The following TRPC3 variants were observed in gnomAD, a reference collection of about 807,000 sequenced individuals.
The protein encoded by TRPC3 is short transient receptor potential channel 3.
In TRPC3, 54 loss-of-function variants were observed where a neutral mutation model predicts 90.9. The observed-to-expected ratio is 0.59, with a 90% CI of 0.48 to 0.75. The LOEUF (loss-of-function observed/expected upper bound fraction) is 0.75. Among genes scored for constraint, TRPC3 ranks in the 30% least tolerant of loss-of-function variants. The probability of loss-of-function intolerance (pLI) is 0.00; values close to 1 mark genes in which losing one functional copy is unlikely to be tolerated. For synonymous variants in TRPC3, 424 were observed against 450.9 expected (o/e 0.94, Z 0.75); for missense variants, 918 against 1,194.5 (o/e 0.77, Z 3.41).
Position 121,927,152 on chromosome 4 carries a change from T to C in TRPC3, c.988-1946A>G, listed in dbSNP as rs139587653. Among the ~76,000 whole-genome samples the C allele has an allele frequency of 6.2e-3, 945 of 152,304 alleles. 8 individuals carry two copies. Among genetic ancestry groups the C allele is most frequent in the African/African-American group, 0.022 (902 of 41,568 alleles). ...CTCAAGGGTTACAGAATTCAGTACC[T>C]GAGAGAAAAATTTCCAGGCCACTGG... On this transcript the variant is annotated intron_variant, in intron 2 of 11. Coordinates refer to ENST00000379645, the MANE Select transcript of TRPC3 (RefSeq NM_001130698.2).
At chr4:121,902,409 T>G (rs1422180985) in intron 9 of TRPC3, among the ~76,000 whole-genome samples, 1 of 152,134 alleles carries the variant, frequency 6.6e-6, no homozygotes, top group Admixed American at 6.5e-5. Context: ...TTTATGACAC[T>G]AATGGAAAAA....
At chr4:121,896,628 T>C (rs112843519) in intron 10 of TRPC3, among the ~76,000 whole-genome samples, 45 of 152,100 alleles carry the variant, frequency 3.0e-4, no homozygotes, top group African/African-American at 9.9e-4. Flanking sequence ...AAAACACTGA[T>C]GAAAGAAACT....
intron 9 of TRPC3, among the ~76,000 whole-genome samples, chr4:121,900,541 C>T (rs920663614): frequency 1.7e-4 from 26 of 152,166 alleles, no homozygotes; most frequent in Non-Finnish European, 3.4e-4. Flanking sequence ...TGGAGAAAAC[C>T]TTAGCTAACA....
At chr4:121,886,809 G>A (rs1408183164) in intron 10 of TRPC3, among the ~76,000 whole-genome samples, 1 of 152,016 alleles carries the variant, frequency 6.6e-6, no homozygotes, top group Non-Finnish European at 1.5e-5. Context: ...GAAAAAATCT[G>A]AGGCAAACTA....
chr4:121,945,559 C>T lies in TRPC3; in HGVS notation c.215+5907G>A, dbSNP rs1045566953. Among the ~76,000 whole-genome samples, 9 of 152,096 alleles carry T rather than the reference C, an allele frequency of 5.9e-5. No individual in the cohort carries two copies. In the East Asian group the frequency reaches 7.7e-4, roughly 13 times the overall value. On this transcript the variant is annotated intron_variant, in intron 1 of 11. Coordinates refer to ENST00000379645, the MANE Select transcript of TRPC3 (RefSeq NM_001130698.2). ...ATCCACCCAGCTCAATGCTAGAGAA[C>T]GCCCAGAAATTGAAAGCAAAAAAAA...
chr4:121,921,067 A>G (rs894893065), intron 3 of TRPC3, among the ~76,000 whole-genome samples: 1 of 152,106 alleles, frequency 6.6e-6, no homozygotes, highest in Non-Finnish European at 1.5e-5. Context: ...GGTGTTTTAT[A>G]TATTCATTTT....
Position 121,951,565 on chromosome 4 carries a change from C to T in TRPC3, c.116G>A (p.Gly39Asp). 1 of 1,446,350 alleles carries T rather than the reference C, an allele frequency of 6.9e-7. No individual in the cohort carries two copies. Among genetic ancestry groups the T allele is most frequent in the Admixed American group, 2.7e-5 (1 of 36,870 alleles). 89.6% of individuals were successfully genotyped at this position (1,446,350 alleles called of 1,614,324 possible). A position where few individuals can be genotyped will look rare whatever the true frequency, so the allele number is the denominator to read the frequency against. ...EGAEPQRRRR[G>D]WRGVNGGLEP... The stretch of plus-strand genomic sequence containing the variant: ...CAGCCCCCCGTTGACGCCCCTCCAG[C>T]CCCGGCGGCGGCGCTGCGGCTCCGC... Residue 39 changes from glycine (G) to aspartate (D), a missense_variant, in exon 1 of 12, where the codon GGC (glycine) becomes GAC (aspartate). Gly to Asp is a moderately conservative substitution (Grantham distance 94). Around this residue, in one of 4 missense-constraint regions of TRPC3, gnomAD observed 609 missense variants for 725.9 expected, o/e 0.84. Transcript: ENST00000379645. The surrounding 1 kb of genome is among the most constrained non-coding windows in gnomAD (Gnocchi z 4.4).
chr4:121,909,532 C>T (rs1578623117), intron 6 of TRPC3, among the ~76,000 whole-genome samples: 1 of 152,088 alleles, frequency 6.6e-6, no homozygotes, highest in Non-Finnish European at 1.5e-5. Context: ...GCAAGGAAGG[C>T]ATCAATGTTC....
rs142163156 is a variant in TRPC3 at position 121,882,654 on chromosome 4, C to T, written c.2548-225G>A. ...CAATACTTTTTTTTTGCCTCAGAAA[C>T]GGAAGAAGCTTTTAAAAAGAAGTTA... is the stretch of plus-strand genomic sequence containing the variant. On this transcript the variant is annotated intron_variant, in intron 10 of 11. Coordinates refer to ENST00000379645, the MANE Select transcript of TRPC3 (RefSeq NM_001130698.2). 8.1e-3 allele frequency among the ~76,000 whole-genome samples: 1,231 copies of T among 152,060 alleles called. 9 individuals carry two copies. Among genetic ancestry groups the T allele is most frequent in the Non-Finnish European group, 0.014 (966 of 67,910 alleles).
chr4:121,894,121 C>T (rs2149111156), intron 10 of TRPC3, among the ~76,000 whole-genome samples: 1 of 152,216 alleles, frequency 6.6e-6, no homozygotes, highest in East Asian at 1.9e-4. Context: ...TGACTTACTA[C>T]AGTGTTGCTT....
rs1180071112 is a variant in TRPC3 at position 121,914,822 on chromosome 4, A to G, written c.1299T>C (p.Leu433=). Residue 433 remains leucine (L), a synonymous_variant, in exon 4 of 12, where the codon CTT becomes CTC. Transcript: ENST00000379645. ...TCCAGTAGCCAATGGCCAGGAATGG[A>G]AGGCCCAGGGCCACGACCAGCACAA... ...CLVVLVVALG[L]PFLAIGYWIA... is the part of the protein sequence containing the mutation. The G allele has an allele frequency of 3.1e-6, 5 of 1,612,850 alleles. No individual in the cohort carries two copies. In the Admixed American group the frequency reaches 8.3e-5, roughly 27 times the overall value.
At chr4:121,944,193 TGAGA>T (rs905085115) in intron 1 of TRPC3, among the ~76,000 whole-genome samples, 1 of 152,050 alleles carries the variant, frequency 6.6e-6, no homozygotes, top group African/African-American at 2.4e-5. Flanking sequence ...GGGAGAGGGT[TGAGA>T]AGCAAGACTT....
At chr4:121,908,375 G>GA (rs2149123123) in intron 6 of TRPC3, among the ~76,000 whole-genome samples, 1 of 152,238 alleles carries the variant, frequency 6.6e-6, no homozygotes, top group East Asian at 1.9e-4. Flanking sequence ...TTCCATTAGT[G>GA]GGTATATATC....
At chr4:121,943,269 G>A (rs180764953) in intron 1 of TRPC3, among the ~76,000 whole-genome samples, 12 of 152,158 alleles carry the variant, frequency 7.9e-5, no homozygotes, top group Non-Finnish European at 1.6e-4. Context: ...GAAGTGATTC[G>A]TCTATAAAAA....
chr4:121,909,383 G>C (rs1341690896), intron 6 of TRPC3, among the ~76,000 whole-genome samples: 1 of 152,118 alleles, frequency 6.6e-6, no homozygotes, highest in African/African-American at 2.4e-5. Flanking sequence ...TTACCTGTAA[G>C]ATGAAGATTA....
At chr4:121,881,077 C>T (rs527849568) in intron 11 of TRPC3, among the ~76,000 whole-genome samples, 58 of 152,124 alleles carry the variant, frequency 3.8e-4, no homozygotes, top group Admixed American at 8.5e-4. Context: ...CATTCAGTAC[C>T]GCAGGAGACC....
intron 10 of TRPC3, among the ~76,000 whole-genome samples, chr4:121,897,412 T>C (rs886940403): frequency 9.0e-6 from 1 of 110,994 alleles, no homozygotes; most frequent in Non-Finnish European, 1.7e-5. Flanking sequence ...CAATAGGGGA[T>C]TAATATCCAG....
chr4:121,932,681 C>T lies in TRPC3; in HGVS notation c.577G>A (p.Ala193Thr). ...ISKGYVRIVEAILNHPGFAAS... is the reference protein window; with the variant it reads ...ISKGYVRIVETILNHPGFAAS... Reference sequence around the variant, plus strand: ...GCGAAGCCAGGGTGGTTGAGGATGGCCTCTACGATGCGCACGTAGCCCTTG... The same window carrying T: ...GCGAAGCCAGGGTGGTTGAGGATGGTCTCTACGATGCGCACGTAGCCCTTG... Residue 193 changes from alanine to threonine, a missense_variant, in exon 2 of 12, where the codon GCC (alanine) becomes ACC (threonine). Ala to Thr is a moderately conservative substitution (Grantham distance 58, BLOSUM62 0). Around this residue, in one of 4 missense-constraint regions of TRPC3, gnomAD observed 609 missense variants for 725.9 expected, o/e 0.84. Coordinates refer to ENST00000379645, the MANE Select transcript of TRPC3 (RefSeq NM_001130698.2). The surrounding 1 kb of genome is among the most constrained non-coding windows in gnomAD (Gnocchi z 7.7). 2 of 1,613,606 alleles carry T rather than the reference C, an allele frequency of 1.2e-6. No homozygotes were observed. Among genetic ancestry groups the T allele is most frequent in the Non-Finnish European group, 1.7e-6 (2 of 1,179,762 alleles).
chr4:121,946,640 A>C (rs933242245), intron 1 of TRPC3, among the ~76,000 whole-genome samples: 4 of 152,216 alleles, frequency 2.6e-5, no homozygotes, highest in African/African-American at 9.6e-5. Context: ...TACTGATAAC[A>C]TCTAAAATAT....
Sources: allele counts gnomAD v4.1 joint callset (sites outside exome capture counted in the v4.1 genomes callset), GRCh38; gene constraint gnomAD v4.1.1; regional missense constraint gnomAD v4.1.1; non-coding constraint Gnocchi (gnomAD v3.1); transcripts MANE v1.5; gene names NCBI Gene and HGNC (gene_info 2026-07-23, HGNC 2026-07-21).